Variants in RIPOR2 observed in about 807,000 individuals in gnomAD.
RIPOR2 encodes the protein rho family-interacting cell polarization regulator 2.
Under a neutral mutation model 114.5 loss-of-function variants are expected in RIPOR2, and 39 were observed. The ratio of observed to expected loss-of-function variants is 0.34; its 90% CI spans 0.26 to 0.44. RIPOR2 has a LOEUF of 0.44. Among genes scored for constraint, RIPOR2 ranks in the 20% least tolerant of loss-of-function variants. RIPOR2 has a pLI of 1.00. For synonymous variants in RIPOR2, 445 were observed against 484.4 expected, an observed-to-expected ratio of 0.92 and a Z score of 1.07; for missense variants, 1,007 against 1,255.1, an observed-to-expected ratio of 0.80 and a Z score of 2.99.
At chr6:25,041,025 C>T (rs191034595) in intron 1 of RIPOR2, among the ~76,000 whole-genome samples, 1 of 152,310 alleles carries the variant, frequency 6.6e-6, no homozygotes, top group Non-Finnish European at 1.5e-5. Context: ...TCTACCACTG[C>T]CTATTGCTAC....
At chr6:24,886,469 G>A (rs1440245953) in intron 1 of RIPOR2, among the ~76,000 whole-genome samples, 1 of 152,170 alleles carries the variant, frequency 6.6e-6, no homozygotes, top group Non-Finnish European at 1.5e-5. Flanking sequence ...ACCAGGATCA[G>A]ATGCTCCCTG....
intron 1 of RIPOR2, chr6:24,910,622 G>T: frequency 6.0e-6 from 1 of 167,624 alleles, no homozygotes; most frequent in Non-Finnish European, 1.2e-5. Flanking sequence ...CTTTCGCTCA[G>T]CAACTTCCCG....
chr6:24,825,086 GT>G (rs1760035987), intron 19 of RIPOR2, 139 bp downstream of exon 19: 6 of 665,150 alleles, frequency 9.0e-6, no homozygotes, highest in Non-Finnish European at 1.5e-5. Context: ...TATTTCTTTA[GT>G]TTTGATTGCT....
chr6:24,958,322 A>G (rs887424535), intron 1 of RIPOR2, among the ~76,000 whole-genome samples: 1 of 152,210 alleles, frequency 6.6e-6, no homozygotes. Flanking sequence ...GGATTCTGAT[A>G]CTCAAAATTA....
rs769816451 is a variant in RIPOR2, at chr6:25,003,423, T to TATTATTATC, written c.76+38427_76+38428insGATAATAAT. On this transcript the variant is annotated intron_variant, in intron 1 of 13. Coordinates refer to the RIPOR2 transcript ENST00000510784. ...TTATTATTATTATTATTATTATTAT[T>TATTATTATC]ATCATCTCCTTTTTCTTCTTTTCGA... 4.4e-3 allele frequency among the ~76,000 whole-genome samples: 608 copies of TATTATTATC among 137,758 alleles called. 5 individuals are homozygous for TATTATTATC. Among genetic ancestry groups the TATTATTATC allele is most frequent in the East Asian group, 0.012 (57 of 4,684 alleles). 90.4% of individuals were successfully genotyped at this position (137,758 alleles called of 152,430 possible).
At chr6:24,945,035 A>G (rs893308941) in intron 1 of RIPOR2, among the ~76,000 whole-genome samples, 3 of 152,146 alleles carry the variant, frequency 2.0e-5, no homozygotes, top group Non-Finnish European at 2.9e-5. Context: ...CCACAAAGAA[A>G]AGATATATGT....
intron 13 of RIPOR2, 119 bp downstream of exon 13, chr6:24,842,743 G>T: frequency 2.1e-6 from 1 of 467,672 alleles, no homozygotes; most frequent in Non-Finnish European, 3.6e-6. Context: ...ATGATGATGA[G>T]CTATTAATCC....
At chr6:24,842,740 T>G (rs796491234) in intron 13 of RIPOR2, 122 bp downstream of exon 13, 27 of 457,302 alleles carry the variant, frequency 5.9e-5, no homozygotes, top group Non-Finnish European at 7.8e-5. Flanking sequence ...AAAATGATGA[T>G]GAGCTATTAA....
chr6:24,883,253 G>A lies in RIPOR2; in HGVS notation c.62-7436C>T, dbSNP rs1451201744. On this transcript the variant is annotated intron_variant, in intron 1 of 21. Coordinates refer to ENST00000643898, the MANE Select transcript of RIPOR2 (RefSeq NM_001286445.3). The surrounding 1 kb of genome is among the most constrained non-coding windows in gnomAD (Gnocchi z 4.1). ...CATGAGTAAGGATATCTCAGTTCTC[G>A]CCAAGGCATTTCTCATGGGGGCCAA... Among the ~76,000 whole-genome samples the A allele has an allele frequency of 2.6e-5, 4 of 152,196 alleles. No individual in the cohort carries two copies. The highest frequency in any genetic ancestry group is 1.9e-4 in the East Asian group (1 of 5,188).
At chr6:24,875,850 T>C (rs1765687763) in intron 1 of RIPOR2, 33 bp from the exon 2 acceptor site, 1 of 1,571,354 alleles carries the variant, frequency 6.4e-7, no homozygotes, top group Non-Finnish European at 8.6e-7. Context: ...TGACAATTTA[T>C]AGGCAGGTTC....
chr6:24,874,972 A>G (rs1451754189), intron 2 of RIPOR2, among the ~76,000 whole-genome samples: 2 of 152,242 alleles, frequency 1.3e-5, no homozygotes, highest in Non-Finnish European at 2.9e-5. Flanking sequence ...TGATCTAATT[A>G]GGAGATGCAG....
At chr6:24,863,084 C>T (rs527457583) in intron 7 of RIPOR2, among the ~76,000 whole-genome samples, 89 of 152,144 alleles carry the variant, frequency 5.8e-4, no homozygotes, top group African/African-American at 1.9e-3. Context: ...TCACGAGTAG[C>T]TGGGATTACA....
At chr6:24,989,995 C>T (rs934513482) in intron 1 of RIPOR2, among the ~76,000 whole-genome samples, 1 of 151,824 alleles carries the variant, frequency 6.6e-6, no homozygotes, top group Non-Finnish European at 1.5e-5. Context: ...CATGCCATTG[C>T]ACTTCACCCT....
At chr6:24,946,488 G>A (rs145513723) in intron 1 of RIPOR2, among the ~76,000 whole-genome samples, 13 of 152,030 alleles carry the variant, frequency 8.6e-5, no homozygotes, top group African/African-American at 2.9e-4. Flanking sequence ...CAGGAGAGTC[G>A]CTTGAACCTG....
chr6:25,035,438 C>T (rs1202631695), intron 1 of RIPOR2, among the ~76,000 whole-genome samples: 1 of 152,154 alleles, frequency 6.6e-6, no homozygotes, highest in Admixed American at 6.5e-5. Flanking sequence ...AGCCTAAAAT[C>T]GCAGCACAAG....
chr6:25,021,082 C>A (rs1375040656), intron 1 of RIPOR2, among the ~76,000 whole-genome samples: 1 of 152,192 alleles, frequency 6.6e-6, no homozygotes, highest in Non-Finnish European at 1.5e-5. Context: ...TGGTCTCGAA[C>A]TCCTGACCTC....
intron 12 of RIPOR2, among the ~76,000 whole-genome samples, chr6:24,845,851 C>T (rs962879447): frequency 6.6e-6 from 1 of 152,068 alleles, no homozygotes; most frequent in Non-Finnish European, 1.5e-5. Context: ...GGAGGAAGTG[C>T]GTTCTAGAAG....
At chr6:24,866,665 C>T (rs2113856453) in intron 6 of RIPOR2, among the ~76,000 whole-genome samples, 1 of 151,804 alleles carries the variant, frequency 6.6e-6, no homozygotes, top group Non-Finnish European at 1.5e-5. Flanking sequence ...AAAACCTGTT[C>T]TAAAGTTATT....
intron 1 of RIPOR2, among the ~76,000 whole-genome samples, chr6:24,881,390 T>C (rs935887485): frequency 2.0e-5 from 3 of 152,220 alleles, no homozygotes; most frequent in Non-Finnish European, 4.4e-5. Flanking sequence ...CACTTGACTT[T>C]GTTGCAGGAG....
Sources: gnomAD v4.1 joint callset for allele counts (sites outside exome capture counted in the v4.1 genomes callset) on GRCh38, gnomAD v4.1.1 for gene constraint, Gnocchi (gnomAD v3.1) non-coding constraint, MANE v1.5 for transcripts, NCBI Gene and HGNC (gene_info 2026-07-23, HGNC 2026-07-21) for gene names.